LDLRAD3: variants seen among roughly 807,000 people sequenced by gnomAD.
LDLRAD3 encodes low density lipoprotein receptor class A domain containing 3, also known as low-density lipoprotein receptor class A domain-containing protein 3.
A neutral mutation model predicts 29.4 loss-of-function variants in LDLRAD3; 20 were observed. The ratio of observed to expected loss-of-function variants is 0.68; its 90% CI spans 0.48 to 0.99. The LOEUF (loss-of-function observed/expected upper bound fraction) is 0.99. LDLRAD3 is among the 50% of genes least tolerant of loss of function. LDLRAD3 has a pLI of 0.00. For synonymous variants in LDLRAD3, 157 were observed against 192.7 expected (o/e 0.81, Z 1.53); for missense variants, 420 against 454.3 (o/e 0.92, Z 0.69).
At chr11:35,964,577 T>C (rs2984700) in intron 1 of LDLRAD3, among the ~76,000 whole-genome samples, 71,739 of 151,986 alleles carry the variant, frequency 0.47, 17,531 homozygotes, top group East Asian at 0.62. Context: ...TCTGTCTGAG[T>C]GTAACCAGGG....
intron 2 of LDLRAD3, among the ~76,000 whole-genome samples, chr11:36,056,879 C>G (rs897705526): frequency 1.3e-5 from 2 of 152,148 alleles, no homozygotes; most frequent in African/African-American, 4.8e-5. Context: ...TATTGCAGTC[C>G]AGAGCTTTTC....
intron 4 of LDLRAD3, among the ~76,000 whole-genome samples, chr11:36,144,822 G>C (rs1212752235): frequency 8.4e-6 from 1 of 119,516 alleles, no homozygotes; most frequent in South Asian, 2.9e-4. Context: ...TCAGCCCCCC[G>C]CCCGGCCAGC....
intron 1 of LDLRAD3, among the ~76,000 whole-genome samples, chr11:35,966,745 T>G (rs961783502): frequency 1.3e-5 from 2 of 152,204 alleles, no homozygotes; most frequent in Non-Finnish European, 2.9e-5. Context: ...GGTGAAGCCA[T>G]TTATTTAGTA....
intron 4 of LDLRAD3, among the ~76,000 whole-genome samples, chr11:36,128,418 C>T (rs1853874228): frequency 6.6e-6 from 1 of 152,056 alleles, no homozygotes; most frequent in Admixed American, 6.5e-5. Context: ...GATGCTCCCC[C>T]TGGGACTCGT....
intron 1 of LDLRAD3, among the ~76,000 whole-genome samples, chr11:35,947,757 T>C (rs1851076144): frequency 6.6e-6 from 1 of 152,202 alleles, no homozygotes; most frequent in African/African-American, 2.4e-5. Context: ...TAAGCTTCTC[T>C]TTGCCCCCTA....
chr11:36,094,388 G>A (rs1446925356), intron 3 of LDLRAD3, among the ~76,000 whole-genome samples: 1 of 152,182 alleles, frequency 6.6e-6, no homozygotes, highest in East Asian at 1.9e-4. Context: ...GCAAGGTTGA[G>A]TCATTACAAC....
intron 1 of LDLRAD3, among the ~76,000 whole-genome samples, chr11:36,017,689 C>T (rs1350959172): frequency 2.0e-5 from 3 of 151,912 alleles, no homozygotes; most frequent in African/African-American, 4.8e-5. Context: ...CCCCCATGCC[C>T]CATGACTGTA....
chr11:36,137,722 A>C (rs755560609), intron 4 of LDLRAD3, among the ~76,000 whole-genome samples: 2 of 152,206 alleles, frequency 1.3e-5, no homozygotes, highest in Non-Finnish European at 1.5e-5. Flanking sequence ...CCTAATTAGC[A>C]AGCCTTATAT....
chr11:36,138,148 T>C (rs538678026), intron 4 of LDLRAD3, among the ~76,000 whole-genome samples: 6 of 152,204 alleles, frequency 3.9e-5, no homozygotes, highest in South Asian at 2.1e-4. Flanking sequence ...ATCTATTGCC[T>C]TGTGGGCAAG....
intron 4 of LDLRAD3, among the ~76,000 whole-genome samples, chr11:36,122,608 G>A (rs1231025503): frequency 6.6e-6 from 1 of 152,184 alleles, no homozygotes; most frequent in East Asian, 1.9e-4. Flanking sequence ...TGTTTTAGGT[G>A]CTGGGAAACC....
rs55747441 is a variant in LDLRAD3, at chr11:36,147,098, CTTTTTTTTTTTTTTTTTTTTT to C, written c.454+48654_454+48674del. Among the ~76,000 whole-genome samples the C allele has an allele frequency of 3.3e-4, 16 of 48,220 alleles. No individual in the cohort carries two copies. In the South Asian group the frequency reaches 0.014, roughly 41 times the overall value. The allele number at this position is 48,220 out of a possible 152,430, so 31.6% of individuals were successfully genotyped here. A position where few individuals can be genotyped will look rare whatever the true frequency, so the allele number is the denominator to read the frequency against. ...CCACCATGACTGGCCCCCATATTTA[CTTTTTTTTTTTTTTTTTTTTT>C]TTTTTTTTTTTTTTTTGAGACGGAG... On this transcript the variant is annotated intron_variant, in intron 4 of 5. Coordinates refer to ENST00000315571, the MANE Select transcript of LDLRAD3 (RefSeq NM_174902.4).
chr11:36,075,239 G>A (rs1465178095), intron 2 of LDLRAD3, among the ~76,000 whole-genome samples: 1 of 152,230 alleles, frequency 6.6e-6, no homozygotes, highest in Non-Finnish European at 1.5e-5. Flanking sequence ...CACATCCTGT[G>A]TGTCTACCCT....
At position 36,036,207 on chromosome 11, in the gene LDLRAD3, G is replaced by A. The variant is rs1333024657; in HGVS notation, c.151G>A (p.Gly51Arg). 2 of 1,614,150 alleles carry A rather than the reference G, an allele frequency of 1.2e-6. No individual in the cohort carries two copies. The highest frequency in any genetic ancestry group is 1.1e-5 in the South Asian group (1 of 91,078). ...RCIPGAWQCD[G>R]LPDCFDKSDE... ...CATCCCGGGCGCCTGGCAGTGTGAC[G>A]GGCTGCCTGACTGCTTCGACAAGAG... is the stretch of plus-strand genomic sequence containing the variant. The change falls in exon 2 of 6, where the codon GGG (glycine) becomes AGG (arginine). Residue 51 changes from glycine to arginine, a missense_variant. Gly to Arg is a moderately radical substitution (Grantham distance 125). Transcript: ENST00000315571.
At chr11:36,073,083 T>C (rs1254154956) in intron 2 of LDLRAD3, among the ~76,000 whole-genome samples, 1 of 152,244 alleles carries the variant, frequency 6.6e-6, no homozygotes, top group African/African-American at 2.4e-5. Context: ...TAGAGCTCAT[T>C]GCTGGTGTTT....
rs186665077 is a variant in LDLRAD3, at chr11:36,153,617, C to T, written c.454+55156C>T. Reference sequence around the variant, plus strand: ...TTACCAAGTACATGTTCTTAATTAGCAAGACACATTTTGAATGGCTAAGTG... The same window carrying T: ...TTACCAAGTACATGTTCTTAATTAGTAAGACACATTTTGAATGGCTAAGTG... On this transcript the variant is annotated intron_variant, in intron 4 of 5. Transcript: ENST00000315571. 1.1e-3 allele frequency among the ~76,000 whole-genome samples: 171 copies of T among 152,278 alleles called. 1 individual carries two copies. The highest frequency in any genetic ancestry group is 1.3e-3 in the Non-Finnish European group (87 of 68,020).
chr11:36,101,066 C>T (rs1853439551), intron 4 of LDLRAD3, among the ~76,000 whole-genome samples: 1 of 152,202 alleles, frequency 6.6e-6, no homozygotes, highest in Admixed American at 6.5e-5. Context: ...CAACTCTTGA[C>T]ACATACTTTC....
intron 4 of LDLRAD3, among the ~76,000 whole-genome samples, chr11:36,178,204 T>C (rs182959570): frequency 6.6e-6 from 1 of 152,352 alleles, no homozygotes; most frequent in Non-Finnish European, 1.5e-5. Flanking sequence ...CACTTTGTTC[T>C]CAATCCCTCA....
At chr11:36,098,177 C>A in intron 3 of LDLRAD3, 150 bp from the exon 4 acceptor site, 1 of 920,554 alleles carries the variant, frequency 1.1e-6, no homozygotes, top group Non-Finnish European at 1.6e-6. Flanking sequence ...TTTGGCTGGC[C>A]AGCCTTACAG....
intron 4 of LDLRAD3, among the ~76,000 whole-genome samples, chr11:36,180,331 T>C (rs867439025): frequency 8.5e-5 from 13 of 152,120 alleles, no homozygotes; most frequent in African/African-American, 3.1e-4. Flanking sequence ...GTTGGGCCAT[T>C]TACTCAACAT....
Sources: gnomAD v4.1 joint callset for allele counts (sites outside exome capture counted in the v4.1 genomes callset) on GRCh38, gnomAD v4.1.1 for gene constraint, MANE v1.5 for transcripts, NCBI Gene and HGNC (gene_info 2026-07-23, HGNC 2026-07-21) for gene names.